The following TENM2 variants were observed in gnomAD, a reference collection of about 807,000 sequenced individuals.
TENM2 encodes the protein teneurin-2.
A neutral mutation model predicts 245.2 loss-of-function variants in TENM2; 52 were observed. The observed-to-expected ratio is 0.21, with a 90% CI of 0.17 to 0.27. The LOEUF is 0.27. Ranked by LOEUF, TENM2 falls within the 10% of genes least tolerant of loss-of-function variation. The pLI is 1.00. For missense variants in TENM2, 3,046 were observed against 3,666.8 expected (o/e 0.83, Z 4.37); for synonymous variants, 1,363 against 1,438.9 (o/e 0.95, Z 1.19).
At chr5:167,675,661 C>T (rs59834824) in intron 2 of TENM2, among the ~76,000 whole-genome samples, 64,984 of 151,458 alleles carry the variant, frequency 0.43, 16,633 homozygotes, top group East Asian at 0.94. Context: ...CCCAGCTCTG[C>T]TACTTAAAAT....
chr5:167,588,717 T>A (rs1270003284), intron 2 of TENM2, among the ~76,000 whole-genome samples: 1 of 152,212 alleles, frequency 6.6e-6, no homozygotes, highest in Non-Finnish European at 1.5e-5. Context: ...AGAAAATTAC[T>A]GAACTCATGG....
the TENM2 span, among the ~76,000 whole-genome samples, chr5:167,008,014 G>A: frequency 6.6e-6 from 1 of 152,194 alleles, no homozygotes; most frequent in Admixed American, 6.5e-5. Flanking sequence ...GATGTTGCTT[G>A]AGGTGGCACA....
chr5:167,064,763 C>T, the TENM2 span, among the ~76,000 whole-genome samples: 5 of 152,092 alleles, frequency 3.3e-5, no homozygotes, highest in South Asian at 2.1e-4. Flanking sequence ...TTACTATGTT[C>T]GGTGCTAAAA....
chr5:168,012,774 GAAAAAA>G (rs3056563), intron 5 of TENM2, among the ~76,000 whole-genome samples: 3 of 74,280 alleles, frequency 4.0e-5, no homozygotes, highest in African/African-American at 1.5e-4. Context: ...AAGAACAACT[GAAAAAA>G]AAAAAAAAAA....
the TENM2 span, among the ~76,000 whole-genome samples, chr5:167,067,248 C>A: frequency 6.6e-6 from 1 of 152,170 alleles, no homozygotes; most frequent in Non-Finnish European, 1.5e-5. Context: ...TTCAGAATTG[C>A]TTAATGAATT....
the TENM2 span, among the ~76,000 whole-genome samples, chr5:167,213,671 C>A: frequency 6.6e-6 from 1 of 152,278 alleles, no homozygotes; most frequent in Non-Finnish European, 1.5e-5. Flanking sequence ...GATCTGACAA[C>A]CACTAATGTA....
At chr5:167,744,636 T>A (rs1680528713) in intron 2 of TENM2, among the ~76,000 whole-genome samples, 1 of 152,170 alleles carries the variant, frequency 6.6e-6, no homozygotes, top group African/African-American at 2.4e-5. Context: ...TTTATATCGT[T>A]CCTTCCACCT....
the TENM2 span, among the ~76,000 whole-genome samples, chr5:167,219,366 G>T: frequency 2.6e-4 from 39 of 151,932 alleles, no homozygotes; most frequent in Non-Finnish European, 3.5e-4. Context: ...CAAACAAAAC[G>T]TGGATACCCC....
intron 12 of TENM2, among the ~76,000 whole-genome samples, chr5:168,148,407 TTCTC>T (rs1276352896): frequency 6.6e-6 from 1 of 152,236 alleles, no homozygotes; most frequent in East Asian, 1.9e-4. Context: ...AGTCTCTTAT[TTCTC>T]ATACTGTGCC....
chr5:167,230,606 A>C, the TENM2 span, among the ~76,000 whole-genome samples: 1 of 152,064 alleles, frequency 6.6e-6, no homozygotes, highest in African/African-American at 2.4e-5. Context: ...TACATTTTAA[A>C]AATGCTGAGT....
In TENM2 at chr5:167,932,828, C is replaced by T. The variant is rs560039949; in HGVS notation, c.713-19760C>T. 5.3e-5 allele frequency among the ~76,000 whole-genome samples: 8 copies of T among 152,228 alleles called. 1 individual carries two copies. The South Asian group carries it at 1.7e-3, about 32-fold the overall frequency. On this transcript the variant is annotated intron_variant, in intron 3 of 28. Transcript: ENST00000518659. ...CTTAGCTCGGCGGCTGAATGTGGTC[C>T]GTGGCCATCGTTTGCCCGTTTGCCA...
At chr5:167,852,136 A>T (rs1287918235) in intron 2 of TENM2, among the ~76,000 whole-genome samples, 1 of 152,224 alleles carries the variant, frequency 6.6e-6, no homozygotes, top group African/African-American at 2.4e-5. Flanking sequence ...TATATTTGTT[A>T]AAATTGTAGG....
intron 9 of TENM2, among the ~76,000 whole-genome samples, chr5:168,110,175 A>G (rs1794571707): frequency 6.6e-6 from 1 of 151,720 alleles, no homozygotes. Context: ...GGTTTATGGG[A>G]AAAACTTTCG....
chr5:167,899,535 C>G (rs533266299), intron 3 of TENM2, among the ~76,000 whole-genome samples: 1 of 152,214 alleles, frequency 6.6e-6, no homozygotes, highest in Non-Finnish European at 1.5e-5. Flanking sequence ...CCCCATTTTG[C>G]AGATGAGGTA....
At chr5:167,208,912 A>G in the TENM2 span, among the ~76,000 whole-genome samples, 1 of 152,216 alleles carries the variant, frequency 6.6e-6, no homozygotes, top group Non-Finnish European at 1.5e-5. Flanking sequence ...TCAGAATGAG[A>G]ACATAGTTAC....
intron 2 of TENM2, among the ~76,000 whole-genome samples, chr5:167,552,683 G>T (rs547627538): frequency 6.6e-6 from 1 of 152,312 alleles, no homozygotes; most frequent in South Asian, 2.1e-4. Flanking sequence ...TGTCTGCAAA[G>T]CCTGGATCAT....
intron 2 of TENM2, among the ~76,000 whole-genome samples, chr5:167,681,923 C>T (rs1561667161): frequency 6.6e-6 from 1 of 152,146 alleles, no homozygotes; most frequent in East Asian, 1.9e-4. Flanking sequence ...TCCAGTCCTA[C>T]TCTTAGGCAT....
chr5:168,258,731 G>C (rs1767914799), intron 27 of TENM2, among the ~76,000 whole-genome samples: 1 of 152,210 alleles, frequency 6.6e-6, no homozygotes, highest in Non-Finnish European at 1.5e-5. Context: ...GGGTAATGCA[G>C]AGTGACTACT....
intron 8 of TENM2, 33 bp from the exon 11 acceptor site, chr5:168,097,993 A>G (rs1380726579): frequency 6.5e-7 from 1 of 1,536,912 alleles, no homozygotes; most frequent in Non-Finnish European, 9.0e-7. Context: ...TAGACAGAGG[A>G]AAAGGTAAAC....
Sources: allele counts gnomAD v4.1 joint callset (sites outside exome capture counted in the v4.1 genomes callset), GRCh38; gene constraint gnomAD v4.1.1; transcripts MANE v1.5; gene names NCBI Gene and HGNC (gene_info 2026-07-23, HGNC 2026-07-21).